RPLP0: variants seen among roughly 807,000 people sequenced by gnomAD.
The protein encoded by RPLP0 is large ribosomal subunit protein uL10.
For missense variants in RPLP0, 276 were observed against 402.9 expected (o/e 0.69, Z 2.70); for synonymous variants, 137 against 153.4 (o/e 0.89, Z 0.79).
intron 6 of RPLP0, 62 bp from the exon 7 acceptor site, chr12:120,197,524 G>C: frequency 6.4e-7 from 1 of 1,570,546 alleles, no homozygotes. Context: ...TCCAAGTAAG[G>C]GTGAATAAAG....
At chr12:120,200,947 G>T in intron 1 of RPLP0, 116 bp from the exon 2 acceptor site, 1 of 1,286,154 alleles carries the variant, frequency 7.8e-7, no homozygotes. Context: ...GGCAGCGGCC[G>T]TCATCTCGGG....
At position 120,199,822 on chromosome 12, in the gene RPLP0, G is replaced by C. The variant is rs936300602; in HGVS notation, c.55-337C>G. 3 of 359,632 alleles carry C rather than the reference G, an allele frequency of 8.3e-6. No homozygotes were observed. The East Asian group carries it at 2.2e-4, about 26-fold the overall frequency. 22.3% of individuals were successfully genotyped at this position (359,632 alleles called of 1,614,324 possible). ...TTCCAAGTAAGTTGGTCAAGAGGAGGGCTAGATTCACAGCATTAAAAGCAC... is the reference window on the plus strand; with the variant it reads ...TTCCAAGTAAGTTGGTCAAGAGGAGCGCTAGATTCACAGCATTAAAAGCAC... On this transcript the variant is annotated intron_variant, in intron 2 of 7. Coordinates refer to ENST00000392514, the MANE Select transcript of RPLP0 (RefSeq NM_001002.4).
chr12:120,200,797 C>A lies in RPLP0; in HGVS notation c.-14G>T. ...TTCCCTGGGCATCACGGCGGTGCGTCAGGGATTGCCACGCAGGGTTTAAAG... is the reference window on the plus strand; with the variant it reads ...TTCCCTGGGCATCACGGCGGTGCGTAAGGGATTGCCACGCAGGGTTTAAAG... On this transcript the variant is annotated 5_prime_UTR_variant, in exon 2 of 8. Coordinates refer to ENST00000392514, the MANE Select transcript of RPLP0 (RefSeq NM_001002.4). The A allele has an allele frequency of 3.1e-6, 5 of 1,609,666 alleles. No individual in the cohort carries two copies. The highest frequency in any genetic ancestry group is 4.2e-6 in the Non-Finnish European group (5 of 1,178,802).
Position 120,200,462 on chromosome 12 carries a change from A to G in RPLP0, c.54+268T>C, listed in dbSNP as rs578262430. 7 of 176,184 alleles carry G rather than the reference A, an allele frequency of 4.0e-5. No homozygotes were observed. In the South Asian group the frequency reaches 8.3e-4, roughly 21 times the overall value. 10.9% of individuals were successfully genotyped at this position (176,184 alleles called of 1,614,324 possible). A position where few individuals can be genotyped will look rare whatever the true frequency, so the allele number is the denominator to read the frequency against. Reference sequence around the variant, plus strand: ...TGGACAACAGAGCGAGACTCCGTTTAAAAAAAAAAAAGTATAAAGCGCGCT... The same window carrying G: ...TGGACAACAGAGCGAGACTCCGTTTGAAAAAAAAAAAGTATAAAGCGCGCT... On this transcript the variant is annotated intron_variant, in intron 2 of 7. Coordinates refer to ENST00000392514, the MANE Select transcript of RPLP0 (RefSeq NM_001002.4).
chr12:120,200,133 T>C, intron 2 of RPLP0: 1 of 455,912 alleles, frequency 2.2e-6, no homozygotes, highest in South Asian at 1.5e-5. Flanking sequence ...TTACAATGAG[T>C]CATTCCTGAC....
rs867197952 is a variant in RPLP0 at position 120,198,604 on chromosome 12, G to T, written c.601C>A (p.Pro201Thr). 6.2e-7 allele frequency: 1 copy of T among 1,614,072 alleles called. No individual in the cohort carries two copies. Among genetic ancestry groups the T allele is most frequent in the Middle Eastern group, 1.7e-4 (1 of 5,984 alleles). ...TCCTCTGTGATATCAAGCACTTCAGGGTTGTAGATGCTGCCATTGTCGAAC... is the reference window on the plus strand; with the variant it reads ...TCCTCTGTGATATCAAGCACTTCAGTGTTGTAGATGCTGCCATTGTCGAAC... ...QVFDNGSIYNPEVLDITEETL... is the reference protein window; with the variant it reads ...QVFDNGSIYNTEVLDITEETL... Residue 201 changes from proline to threonine, a missense_variant, in exon 6 of 8, where the codon CCT becomes ACT. By Grantham distance (38) the Pro-to-Thr change is conservative. Coordinates refer to ENST00000392514, the MANE Select transcript of RPLP0 (RefSeq NM_001002.4). This position sits in a 1 kb window ranked among gnomAD's most constrained non-coding sequence, Gnocchi z 4.1.
Position 120,196,943 on chromosome 12 carries a change from A to G in RPLP0, c.793-9T>C, listed in dbSNP as rs1879206057. The G allele has an allele frequency of 6.2e-7, 1 of 1,613,152 alleles. No homozygotes were observed. Among genetic ancestry groups the G allele is most frequent in the Non-Finnish European group, 8.5e-7 (1 of 1,179,924 alleles). ...GCCAAGAAGGCCTTGACCTGAAAGG[A>G]GGGGGGAAGTGGTCAAAATGGTCAT... On this transcript the variant is annotated splice_polypyrimidine_tract_variant and intron_variant, in intron 7 of 7. Transcript: ENST00000392514.
rs1448449935 is a variant in RPLP0, at chr12:120,199,438, A to G, written c.102T>C (p.Asn34=). ...TCTGCTGCATCTGCTTGGAGCCCAC[A>G]TTGTCTGCTCCCACAATGAAACATT... ...YPKCFIVGAD[N]VGSKQMQQIR... Residue 34 remains asparagine (N), a synonymous_variant, in exon 3 of 8, where the codon AAT becomes AAC. Transcript: ENST00000392514. 4 of 1,614,042 alleles carry G rather than the reference A, an allele frequency of 2.5e-6. No homozygotes were observed. The South Asian group carries it at 3.3e-5, about 13-fold the overall frequency.
At chr12:120,197,111 G>A in intron 7 of RPLP0, 177 bp from the exon 8 acceptor site, 2 of 1,166,958 alleles carry the variant, frequency 1.7e-6, no homozygotes, top group South Asian at 1.5e-5. Flanking sequence ...GGGTTCCTAA[G>A]GCCCAGCTCT....
Position 120,198,376 on chromosome 12 carries a change from A to G in RPLP0, c.651+178T>C, listed in dbSNP as rs1879265669. ...ACTCCAGCCTGGGCGACACAGCAAG[A>G]CTCTGTCTCCAAAAAAAAAAAAAAA... On this transcript the variant is annotated intron_variant, in intron 6 of 7. Coordinates refer to ENST00000392514, the MANE Select transcript of RPLP0 (RefSeq NM_001002.4). This position sits in a 1 kb window ranked among gnomAD's most constrained non-coding sequence, Gnocchi z 4.1. The G allele has an allele frequency of 1.5e-6, 1 of 652,748 alleles. No individual in the cohort carries two copies. The highest frequency in any genetic ancestry group is 2.1e-5 in the African/African-American group (1 of 48,548). The allele number at this position is 652,748 out of a possible 1,614,324, so 40.4% of individuals were successfully genotyped here. A position where few individuals can be genotyped will look rare whatever the true frequency, so the allele number is the denominator to read the frequency against.
intron 2 of RPLP0, 41 bp from the exon 3 acceptor site, chr12:120,199,526 A>G: frequency 5.7e-6 from 9 of 1,587,752 alleles, no homozygotes; most frequent in South Asian, 1.1e-5. Flanking sequence ...TAACAGGAAG[A>G]GAGAGGGAAA....
Position 120,200,796 on chromosome 12 carries a change from TCAGGGATTGCCACG to T in RPLP0, c.-27_-14del. On this transcript the variant is annotated 5_prime_UTR_variant, in exon 2 of 8. Transcript: ENST00000392514. ...CTTCCCTGGGCATCACGGCGGTGCGTCAGGGATTGCCACGCAGGGTTTAAAGACGATGTCACTGA... is the reference window on the plus strand; with the variant it reads ...CTTCCCTGGGCATCACGGCGGTGCGTCAGGGTTTAAAGACGATGTCACTGA... 1 of 1,609,898 alleles carries T rather than the reference TCAGGGATTGCCACG, an allele frequency of 6.2e-7. No individual in the cohort carries two copies. Among genetic ancestry groups the T allele is most frequent in the Non-Finnish European group, 8.5e-7 (1 of 1,178,888 alleles).
At position 120,198,096 on chromosome 12, in the gene RPLP0, A is replaced by C. The variant is rs1236199995; in HGVS notation, c.651+458T>G. Among the ~76,000 whole-genome samples, 1 of 152,094 alleles carries C rather than the reference A, an allele frequency of 6.6e-6. No individual in the cohort carries two copies. Among genetic ancestry groups the C allele is most frequent in the Non-Finnish European group, 1.5e-5 (1 of 68,018 alleles). On this transcript the variant is annotated intron_variant, in intron 6 of 7. Coordinates refer to ENST00000392514, the MANE Select transcript of RPLP0 (RefSeq NM_001002.4). The surrounding 1 kb of genome is among the most constrained non-coding windows in gnomAD (Gnocchi z 4.1). ...ACAGCCCCAGCACTGTACATCCATT[A>C]ATTCATTAAATCCTTTGGCCAGGCG...
chr12:120,197,579 CA>C, intron 6 of RPLP0, 117 bp from the exon 7 acceptor site: 1 of 1,172,492 alleles, frequency 8.5e-7, no homozygotes, highest in Non-Finnish European at 1.2e-6. Flanking sequence ...AGCTCAGTCT[CA>C]AGAGAGGCCA....
At chr12:120,199,523 A>AAG (rs752836176) in intron 2 of RPLP0, 38 bp from the exon 3 acceptor site, 1 of 1,592,850 alleles carries the variant, frequency 6.3e-7, no homozygotes, top group Non-Finnish European at 8.6e-7. Context: ...GTTTAACAGG[A>AAG]AGAGAGAGGG....
At position 120,199,188 on chromosome 12, in the gene RPLP0, C is replaced by T. The variant is rs963430577; in HGVS notation, c.248G>A (p.Arg83Gln). 3.1e-6 allele frequency: 5 copies of T among 1,613,964 alleles called. No homozygotes were observed. The highest frequency in any genetic ancestry group is 4.2e-6 in the Non-Finnish European group (5 of 1,179,820). Residue 83 changes from arginine to glutamine, a missense_variant, in exon 4 of 8, where the codon CGG becomes CAG. By Grantham distance (43) the Arg-to-Gln change is conservative. Transcript: ENST00000392514. ...PALEKLLPHI[R>Q]GNVGFVFTKE... is the part of the protein sequence containing the mutation. ...GGTGAACACAAAGCCCACATTCCCC[C>T]GGATATGAGGCAGCAGTCTGCAAAG...
chr12:120,200,669 T>C, intron 2 of RPLP0, 61 bp downstream of exon 2: 2 of 1,567,914 alleles, frequency 1.3e-6, no homozygotes, highest in Non-Finnish European at 1.7e-6. Flanking sequence ...ACATAGCAGC[T>C]GACTGTCCCT....
chr12:120,201,010 C>T, intron 1 of RPLP0, 73 bp downstream of exon 1: 2 of 577,562 alleles, frequency 3.5e-6, no homozygotes, highest in Non-Finnish European at 2.8e-6. Flanking sequence ...ACTCCATGTT[C>T]CCAAAGGCCC....
intron 2 of RPLP0, chr12:120,200,461 T>TAA (rs879621662): frequency 1.2e-4 from 44 of 357,852 alleles, no homozygotes; most frequent in East Asian, 2.2e-4. Flanking sequence ...AGACTCCGTT[T>TAA]AAAAAAAAAA....
Sources: allele counts gnomAD v4.1 joint callset (sites outside exome capture counted in the v4.1 genomes callset), GRCh38; gene constraint gnomAD v4.1.1; non-coding constraint Gnocchi (gnomAD v3.1); transcripts MANE v1.5; gene names NCBI Gene and HGNC (gene_info 2026-07-23, HGNC 2026-07-21).